The following SAMD12 variants were observed in gnomAD, a reference collection of about 807,000 sequenced individuals.
SAMD12 encodes sterile alpha motif domain-containing protein 12.
Under a neutral mutation model 15.0 loss-of-function variants are expected in SAMD12, and 9 were observed. The observed-to-expected ratio is 0.60, with a 90% CI of 0.36 to 1.05. SAMD12 has a LOEUF of 1.05. Ranked by LOEUF, SAMD12 falls within the 50% of genes least tolerant of loss-of-function variation. SAMD12 has a pLI of 0.01. For missense variants in SAMD12, 230 were observed against 234.2 expected, an observed-to-expected ratio of 0.98 and a Z score of 0.12; for synonymous variants, 86 against 90.1, an observed-to-expected ratio of 0.96 and a Z score of 0.25.
At chr8:118,534,700 C>T (rs1043698893) in intron 2 of SAMD12, among the ~76,000 whole-genome samples, 1 of 152,170 alleles carries the variant, frequency 6.6e-6, no homozygotes, top group Non-Finnish European at 1.5e-5. Context: ...ATTTGATCTT[C>T]AATCACTGAT....
At chr8:118,524,506 G>T (rs1825480660) in intron 2 of SAMD12, among the ~76,000 whole-genome samples, 1 of 151,908 alleles carries the variant, frequency 6.6e-6, no homozygotes, top group South Asian at 2.1e-4. Flanking sequence ...CTCCCCCTAG[G>T]ATAACTCGCC....
At chr8:118,488,602 G>C (rs926050702) in intron 2 of SAMD12, among the ~76,000 whole-genome samples, 3 of 152,076 alleles carry the variant, frequency 2.0e-5, no homozygotes, top group Non-Finnish European at 4.4e-5. Context: ...GCCTTCTGTT[G>C]AATCTTACAA....
the SAMD12 span, among the ~76,000 whole-genome samples, chr8:118,145,014 T>C: frequency 6.6e-6 from 1 of 152,212 alleles, no homozygotes; most frequent in African/African-American, 2.4e-5. Context: ...ACACACACAA[T>C]AATGTGGCAA....
chr8:118,161,213 T>C, the SAMD12 span, among the ~76,000 whole-genome samples: 3 of 152,198 alleles, frequency 2.0e-5, no homozygotes, highest in African/African-American at 7.2e-5. Flanking sequence ...TTTAGGTTGG[T>C]TCAAATTATT....
intron 4 of SAMD12, among the ~76,000 whole-genome samples, chr8:118,318,015 T>C (rs983074945): frequency 6.6e-6 from 1 of 152,056 alleles, no homozygotes; most frequent in African/African-American, 2.4e-5. Context: ...CTTGCTCCTA[T>C]AGGAGTGGTC....
At chr8:118,411,793 G>A (rs1337028137) in intron 3 of SAMD12, among the ~76,000 whole-genome samples, 1 of 152,034 alleles carries the variant, frequency 6.6e-6, no homozygotes, top group Non-Finnish European at 1.5e-5. Flanking sequence ...CTACGGGGAG[G>A]GCTAAAAACA....
At chr8:118,615,411 G>A (rs1468369717) in intron 1 of SAMD12, among the ~76,000 whole-genome samples, 1 of 152,056 alleles carries the variant, frequency 6.6e-6, no homozygotes, top group Non-Finnish European at 1.5e-5. Flanking sequence ...GGGGAGGGCC[G>A]GGACTGGCAG....
chr8:118,160,216 C>T, the SAMD12 span, among the ~76,000 whole-genome samples: 14 of 152,210 alleles, frequency 9.2e-5, no homozygotes, highest in African/African-American at 3.1e-4. Context: ...AACTATAAAA[C>T]ATTGCTGAAG....
At chr8:118,487,769 T>A (rs562154252) in intron 2 of SAMD12, among the ~76,000 whole-genome samples, 12 of 152,266 alleles carry the variant, frequency 7.9e-5, no homozygotes, top group African/African-American at 2.6e-4. Context: ...ACGACAGAAT[T>A]GGGATTTGAC....
chr8:118,272,693 T>C (rs1192923601), intron 4 of SAMD12, among the ~76,000 whole-genome samples: 1 of 152,220 alleles, frequency 6.6e-6, no homozygotes, highest in Non-Finnish European at 1.5e-5. Context: ...TCCACAGATC[T>C]CTAGGCCAGA....
chr8:118,366,178 T>A (rs1365923343), intron 4 of SAMD12, among the ~76,000 whole-genome samples: 1 of 152,188 alleles, frequency 6.6e-6, no homozygotes, highest in Non-Finnish European at 1.5e-5. Context: ...ATTTTATATG[T>A]GTTTGATGAC....
chr8:118,440,695 C>CACACACAA (rs1441761979), intron 2 of SAMD12, among the ~76,000 whole-genome samples: 1 of 133,562 alleles, frequency 7.5e-6, no homozygotes, highest in African/African-American at 3.2e-5. Flanking sequence ...CACACACACA[C>CACACACAA]AAACACACAC....
chr8:118,244,880 T>C (rs1563712951), intron 4 of SAMD12, among the ~76,000 whole-genome samples: 1 of 152,118 alleles, frequency 6.6e-6, no homozygotes, highest in Non-Finnish European at 1.5e-5. Context: ...ACTAGCCCTG[T>C]GTAGGGTTTT....
downstream of SAMD12, among the ~76,000 whole-genome samples, chr8:118,376,886 A>G (rs1051988881): frequency 2.6e-5 from 4 of 152,216 alleles, no homozygotes; most frequent in African/African-American, 9.6e-5. Context: ...TATATTTTAA[A>G]CTAATAAGTT....
intron 4 of SAMD12, among the ~76,000 whole-genome samples, chr8:118,359,402 G>C (rs765623778): frequency 6.6e-6 from 1 of 152,166 alleles, no homozygotes; most frequent in African/African-American, 2.4e-5. Flanking sequence ...GTCTGCGGTA[G>C]TTTGCTATGG....
chr8:118,282,490 C>T (rs1336988169), intron 4 of SAMD12, among the ~76,000 whole-genome samples: 2 of 152,206 alleles, frequency 1.3e-5, no homozygotes, highest in Non-Finnish European at 2.9e-5. Context: ...TCTTGCTTTT[C>T]AAACACACAA....
chr8:118,528,384 T>C (rs1214247226), intron 2 of SAMD12, among the ~76,000 whole-genome samples: 1 of 152,228 alleles, frequency 6.6e-6, no homozygotes, highest in Non-Finnish European at 1.5e-5. Flanking sequence ...TCTTCGTTTA[T>C]AGTCTGAAAT....
At chr8:118,515,852 A>G (rs1003548449) in intron 2 of SAMD12, among the ~76,000 whole-genome samples, 1 of 152,242 alleles carries the variant, frequency 6.6e-6, no homozygotes, top group Non-Finnish European at 1.5e-5. Context: ...CCTTCACTCA[A>G]GACTTGGACT....
intron 2 of SAMD12, among the ~76,000 whole-genome samples, chr8:118,501,878 G>A (rs559726500): frequency 2.0e-5 from 3 of 152,260 alleles, no homozygotes; most frequent in Non-Finnish European, 4.4e-5. Flanking sequence ...TTAGCCGGGC[G>A]TGGTGGCAGG....
Sources: gnomAD v4.1 joint callset for allele counts (sites outside exome capture counted in the v4.1 genomes callset) on GRCh38, gnomAD v4.1.1 for gene constraint, MANE v1.5 for transcripts, NCBI Gene and HGNC (gene_info 2026-07-23, HGNC 2026-07-21) for gene names.